GRIP1: variants seen among roughly 807,000 people sequenced by gnomAD.
The protein encoded by GRIP1 is glutamate receptor interacting protein 1, also known as glutamate receptor-interacting protein 1.
A neutral mutation model predicts 129.9 loss-of-function variants in GRIP1; 45 were observed. The observed-to-expected ratio is 0.35, with a 90% CI of 0.27 to 0.44. The LOEUF (loss-of-function observed/expected upper bound fraction) is 0.44, where lower values mean the gene tolerates loss of function less well. GRIP1 is among the 20% of genes least tolerant of loss of function. GRIP1 has a pLI of 1.00. For synonymous variants in GRIP1, 530 were observed against 520.8 expected, an observed-to-expected ratio of 1.02 and a Z score of -0.24; for missense variants, 1,196 against 1,396.8, an observed-to-expected ratio of 0.86 and a Z score of 2.29.
chr12:67,048,166 T>C (rs961702849), intron 1 of GRIP1, among the ~76,000 whole-genome samples: 1 of 150,256 alleles, frequency 6.7e-6, no homozygotes, highest in Non-Finnish European at 1.5e-5. Flanking sequence ...AAAAAAAAGG[T>C]ATTCCTGTTA....
chr12:66,388,704 T>C (rs2056460066), intron 19 of GRIP1, among the ~76,000 whole-genome samples: 2 of 152,244 alleles, frequency 1.3e-5, no homozygotes, highest in Non-Finnish European at 2.9e-5. Flanking sequence ...CAGCCCCTTG[T>C]GGGACTTCCT....
intron 1 of GRIP1, among the ~76,000 whole-genome samples, chr12:66,942,406 T>C (rs1197142789): frequency 6.6e-6 from 1 of 152,200 alleles, no homozygotes; most frequent in Non-Finnish European, 1.5e-5. Flanking sequence ...GCTACTTCTG[T>C]TCTTCTTCCC....
chr12:66,888,183 G>A (rs542596947), intron 1 of GRIP1, among the ~76,000 whole-genome samples: 29 of 151,992 alleles, frequency 1.9e-4, no homozygotes, highest in Non-Finnish European at 3.8e-4. Context: ...AGCCTCCTGA[G>A]TAGCTGGAAC....
At chr12:67,049,572 G>A (rs1310258169) in intron 1 of GRIP1, among the ~76,000 whole-genome samples, 2 of 152,100 alleles carry the variant, frequency 1.3e-5, no homozygotes, top group Admixed American at 6.6e-5. Flanking sequence ...GGGTTGAAGG[G>A]GATGGGGAAG....
At chr12:66,444,808 GATCCTTGCAAAATAGC>G in intron 12 of GRIP1, 79 bp from the exon 13 acceptor site, 1 of 1,450,616 alleles carries the variant, frequency 6.9e-7, no homozygotes, top group Non-Finnish European at 9.7e-7. Context: ...TACCTTGCTT[GATCCTTGCAAAATAGC>G]ATCATAATTT....
intron 1 of GRIP1, among the ~76,000 whole-genome samples, chr12:66,857,556 GAAA>G (rs61311434): frequency 1.6e-5 from 2 of 125,700 alleles, no homozygotes; most frequent in Non-Finnish European, 3.3e-5. Flanking sequence ...CTAGTCTCAG[GAAA>G]AAAAAAAAAA....
chr12:66,358,979 C>T (rs1466861434), intron 23 of GRIP1, among the ~76,000 whole-genome samples: 1 of 152,220 alleles, frequency 6.6e-6, no homozygotes, highest in South Asian at 2.1e-4. Flanking sequence ...GCCTTTTTGC[C>T]CCTTTTCTGT....
At chr12:66,746,615 G>A (rs1272608361) in intron 1 of GRIP1, among the ~76,000 whole-genome samples, 1 of 152,132 alleles carries the variant, frequency 6.6e-6, no homozygotes, top group Non-Finnish European at 1.5e-5. Flanking sequence ...ACTCGTGCTG[G>A]TCTACCAGAT....
intron 3 of GRIP1, among the ~76,000 whole-genome samples, chr12:66,540,849 C>T (rs949512105): frequency 5.3e-5 from 8 of 152,132 alleles, no homozygotes; most frequent in Non-Finnish European, 1.0e-4. Flanking sequence ...GGCTGGAGTG[C>T]AATGGCACAG....
At chr12:66,847,175 A>G (rs965913201) in intron 1 of GRIP1, among the ~76,000 whole-genome samples, 3 of 152,196 alleles carry the variant, frequency 2.0e-5, no homozygotes, top group South Asian at 2.1e-4. Flanking sequence ...GTTGACTTCA[A>G]TAGCCTCCTA....
At chr12:66,573,878 C>T (rs1037015168) in intron 2 of GRIP1, among the ~76,000 whole-genome samples, 17 of 152,164 alleles carry the variant, frequency 1.1e-4, no homozygotes, top group African/African-American at 3.4e-4. Flanking sequence ...TGTGTTTAGA[C>T]GGTGACTGCT....
chr12:66,610,227 C>CAT (rs144947717), intron 1 of GRIP1, among the ~76,000 whole-genome samples: 20 of 151,230 alleles, frequency 1.3e-4, no homozygotes, highest in Non-Finnish European at 1.2e-4. Context: ...TACACACACG[C>CAT]ATATATATAT....
chr12:66,974,155 C>G (rs1330472930), intron 1 of GRIP1, among the ~76,000 whole-genome samples: 1 of 151,940 alleles, frequency 6.6e-6, no homozygotes, highest in Non-Finnish European at 1.5e-5. Flanking sequence ...AACTCCTGAC[C>G]TCAGGTGATC....
At chr12:66,749,952 C>G (rs1298659890) in intron 1 of GRIP1, among the ~76,000 whole-genome samples, 1 of 152,112 alleles carries the variant, frequency 6.6e-6, no homozygotes, top group Non-Finnish European at 1.5e-5. Flanking sequence ...ATCTCATAGT[C>G]TTCTCATTTC....
At position 66,696,804 on chromosome 12, in the gene GRIP1, C is replaced by CAAAA. The variant is rs35445606; in HGVS notation, c.-419-66472_-419-66469dup. Among the ~76,000 whole-genome samples the CAAAA allele has an allele frequency of 9.0e-4, 93 of 103,744 alleles. 4 individuals carry two copies. The highest frequency in any genetic ancestry group is 3.4e-3 in the African/African-American group (85 of 24,730). The allele number at this position is 103,744 out of a possible 152,430, so 68.1% of individuals were successfully genotyped here. On this transcript the variant is annotated intron_variant, in intron 1 of 4. Coordinates refer to the GRIP1 transcript ENST00000538373. Reference sequence around the variant, plus strand: ...TGGGTGACAGAGCAAGACTCTGTCTCAAAAAAAAAAAAAAAAAAAAAAAAA... The same window carrying CAAAA: ...TGGGTGACAGAGCAAGACTCTGTCTCAAAAAAAAAAAAAAAAAAAAAAAAAAAAA...
intron 15 of GRIP1, among the ~76,000 whole-genome samples, chr12:66,407,020 A>G (rs1490752435): frequency 6.6e-6 from 1 of 152,210 alleles, no homozygotes; most frequent in Non-Finnish European, 1.5e-5. Context: ...AAAAATTTTA[A>G]GGTCCATAAT....
chr12:66,488,933 T>C (rs528667619), intron 7 of GRIP1, among the ~76,000 whole-genome samples: 54 of 152,176 alleles, frequency 3.5e-4, no homozygotes, highest in Non-Finnish European at 7.1e-4. Context: ...AGAAATTAAT[T>C]CCCTGAATAG....
chr12:67,049,970 C>CTTT (rs62802760), intron 1 of GRIP1, among the ~76,000 whole-genome samples: 6 of 126,610 alleles, frequency 4.7e-5, no homozygotes, highest in African/African-American at 1.8e-4. Context: ...ATTTGAATTT[C>CTTT]TTTTTTTTTT....
At chr12:66,962,043 C>A (rs781365519) in intron 1 of GRIP1, among the ~76,000 whole-genome samples, 14 of 152,104 alleles carry the variant, frequency 9.2e-5, no homozygotes, top group Non-Finnish European at 1.9e-4. Flanking sequence ...TGAGAGCCTA[C>A]CCTTGAATTC....
Sources: gnomAD v4.1 joint callset for allele counts (sites outside exome capture counted in the v4.1 genomes callset) on GRCh38, gnomAD v4.1.1 for gene constraint, MANE v1.5 for transcripts, NCBI Gene and HGNC (gene_info 2026-07-23, HGNC 2026-07-21) for gene names.